SLC7A2: variants seen among roughly 807,000 people sequenced by gnomAD.
SLC7A2 encodes the protein solute carrier family 7 member 2.
Under a neutral mutation model 58.9 loss-of-function variants are expected in SLC7A2, and 48 were observed. That is an observed-to-expected ratio of 0.82 (90% confidence interval 0.65 to 1.04). SLC7A2 has a LOEUF of 1.04. Ranked by LOEUF, SLC7A2 falls within the 50% of genes least tolerant of loss-of-function variation. The pLI, the probability that SLC7A2 is intolerant of heterozygous loss-of-function variation, is 0.00. For synonymous variants in SLC7A2, 363 were observed against 314.5 expected, an observed-to-expected ratio of 1.15 and a Z score of -1.63; for missense variants, 1,029 against 818.8, an observed-to-expected ratio of 1.26 and a Z score of -3.13.
rs1300481899 is a variant in SLC7A2 at position 17,565,175 on chromosome 8, C to G, written c.*29C>G. 6.4e-7 allele frequency: 1 copy of G among 1,552,038 alleles called. No individual in the cohort carries two copies. The highest frequency in any genetic ancestry group is 8.8e-7 in the Non-Finnish European group (1 of 1,132,486). ...TTGCAGGAGCAGAGCTGGTCATCGT[C>G]TTAGCATACATATCCTACACTGAGT... is the stretch of plus-strand genomic sequence containing the variant. On this transcript the variant is annotated 3_prime_UTR_variant, in exon 13 of 13. Transcript: ENST00000494857.
intron 2 of SLC7A2, among the ~76,000 whole-genome samples, chr8:17,513,223 G>C (rs1179573761): frequency 6.6e-6 from 1 of 152,022 alleles, no homozygotes; most frequent in Non-Finnish European, 1.5e-5. Context: ...GTTTTTTGAG[G>C]AGCTGCCATA....
intron 1 of SLC7A2, 140 bp from the exon 2 acceptor site, chr8:17,502,117 G>GTA (rs926218291): frequency 6.6e-6 from 1 of 150,378 alleles, no homozygotes; most frequent in Non-Finnish European, 1.5e-5. Context: ...ATATATATAC[G>GTA]TATATATATG....
chr8:17,520,940 C>T (rs1250933782), intron 2 of SLC7A2, among the ~76,000 whole-genome samples: 1 of 152,096 alleles, frequency 6.6e-6, no homozygotes, highest in Non-Finnish European at 1.5e-5. Context: ...TTTTAACCTA[C>T]AGCTAAGATA....
At chr8:17,537,468 G>C (rs541161754) in intron 2 of SLC7A2, among the ~76,000 whole-genome samples, 9 of 152,266 alleles carry the variant, frequency 5.9e-5, no homozygotes, top group African/African-American at 2.2e-4. Context: ...CATTTTGTTC[G>C]TAAGAGCTTC....
At chr8:17,531,438 A>G (rs1416475664) in intron 2 of SLC7A2, among the ~76,000 whole-genome samples, 1 of 152,156 alleles carries the variant, frequency 6.6e-6, no homozygotes, top group African/African-American at 2.4e-5. Context: ...AGTATGATAT[A>G]TGTGTATATG....
intron 5 of SLC7A2, among the ~76,000 whole-genome samples, 168 bp downstream of exon 5, chr8:17,549,011 CA>C (rs149187417): frequency 0.13 from 19,895 of 152,162 alleles, 1,772 homozygotes; most frequent in Non-Finnish European, 0.2. Context: ...GGGGAAGCCT[CA>C]CAATCGTGGC....
chr8:17,530,228 C>G (rs1035913632), intron 2 of SLC7A2, among the ~76,000 whole-genome samples: 25 of 152,170 alleles, frequency 1.6e-4, no homozygotes, highest in Admixed American at 1.0e-3. Context: ...AGAAGGAAAG[C>G]TCAGGAGCTG....
At chr8:17,556,800 G>C (rs1802727045) in intron 8 of SLC7A2, among the ~76,000 whole-genome samples, 1 of 151,940 alleles carries the variant, frequency 6.6e-6, no homozygotes, top group African/African-American at 2.4e-5. Context: ...GTAGAGATGG[G>C]GTTTCACCAT....
At chr8:17,538,384 G>A (rs1457223886) in intron 2 of SLC7A2, among the ~76,000 whole-genome samples, 1 of 152,152 alleles carries the variant, frequency 6.6e-6, no homozygotes, top group South Asian at 2.1e-4. Context: ...AAGTGAATAT[G>A]GAAGAGTGTT....
chr8:17,530,540 G>A (rs1386708658), intron 2 of SLC7A2, among the ~76,000 whole-genome samples: 1 of 151,664 alleles, frequency 6.6e-6, no homozygotes, highest in Non-Finnish European at 1.5e-5. Flanking sequence ...TTAGTTGGCA[G>A]AAGGCAGATT....
intron 4 of SLC7A2, among the ~76,000 whole-genome samples, chr8:17,545,079 A>G (rs989191842): frequency 1.3e-5 from 2 of 152,154 alleles, no homozygotes; most frequent in Admixed American, 6.5e-5. Context: ...GTCATTTTGT[A>G]ATGTCGACAT....
intron 2 of SLC7A2, among the ~76,000 whole-genome samples, chr8:17,503,835 A>C (rs1800263560): frequency 1.3e-5 from 2 of 152,318 alleles, no homozygotes; most frequent in South Asian, 4.1e-4. Flanking sequence ...GCAAGTTTTA[A>C]GTGGTTTCTT....
intron 8 of SLC7A2, among the ~76,000 whole-genome samples, chr8:17,556,898 T>C (rs1354060788): frequency 1.3e-5 from 2 of 152,152 alleles, no homozygotes; most frequent in Non-Finnish European, 2.9e-5. Flanking sequence ...TGTGAACCTC[T>C]GTGCCCAGCA....
chr8:17,554,487 T>C (rs1802593645), intron 7 of SLC7A2, 73 bp from the exon 8 acceptor site: 1 of 1,228,316 alleles, frequency 8.1e-7, no homozygotes, highest in African/African-American at 1.5e-5. Flanking sequence ...ATTATACAAT[T>C]ATTTTATTTC....
intron 1 of SLC7A2, among the ~76,000 whole-genome samples, chr8:17,498,287 G>A (rs919519605): frequency 2.0e-5 from 3 of 152,098 alleles, no homozygotes; most frequent in African/African-American, 7.2e-5. Context: ...GGGCCGCCTG[G>A]GTTATAAAAT....
intron 2 of SLC7A2, among the ~76,000 whole-genome samples, chr8:17,541,333 A>G (rs1244207756): frequency 6.6e-6 from 1 of 152,194 alleles, no homozygotes; most frequent in Non-Finnish European, 1.5e-5. Flanking sequence ...ATTGATAAAC[A>G]TTTGATTTAT....
chr8:17,520,543 AG>A, intron 2 of SLC7A2, among the ~76,000 whole-genome samples: 1 of 145,994 alleles, frequency 6.8e-6, no homozygotes, highest in Middle Eastern at 3.5e-3. Context: ...TGGGAGATTG[AG>A]GCACGAGAAT....
intron 1 of SLC7A2, among the ~76,000 whole-genome samples, chr8:17,499,576 T>TA (rs141272077): frequency 0.023 from 3,408 of 150,646 alleles, 108 homozygotes; most frequent in African/African-American, 0.071. Flanking sequence ...TTAAAGACTC[T>TA]TATAGACTAC....
intron 2 of SLC7A2, among the ~76,000 whole-genome samples, chr8:17,536,904 A>G (rs1423258144): frequency 6.6e-6 from 1 of 152,140 alleles, no homozygotes; most frequent in African/African-American, 2.4e-5. Flanking sequence ...TGTCCAAACC[A>G]TGTCGGGGAA....
Sources: gnomAD v4.1 joint callset for allele counts (sites outside exome capture counted in the v4.1 genomes callset) on GRCh38, gnomAD v4.1.1 for gene constraint, MANE v1.5 for transcripts, NCBI Gene and HGNC (gene_info 2026-07-23, HGNC 2026-07-21) for gene names.